The following FAM168A variants were observed in gnomAD, a reference collection of about 807,000 sequenced individuals.
The protein encoded by FAM168A is protein FAM168A.
Under a neutral mutation model 28.5 loss-of-function variants are expected in FAM168A, and 3 were observed. That is an observed-to-expected ratio of 0.11 (90% CI 0.05 to 0.27). The LOEUF (loss-of-function observed/expected upper bound fraction) is 0.27, where lower values mean the gene tolerates loss of function less well. Among genes scored for constraint, FAM168A ranks in the 10% least tolerant of loss-of-function variants. The pLI, the probability that FAM168A is intolerant of heterozygous loss-of-function variation, is 1.00. For synonymous variants in FAM168A, 122 were observed against 124.2 expected (o/e 0.98, Z 0.12); for missense variants, 222 against 311.5 (o/e 0.71, Z 2.16).
At chr11:73,571,230 C>T (rs1243172117) in intron 1 of FAM168A, among the ~76,000 whole-genome samples, 1 of 66,272 alleles carries the variant, frequency 1.5e-5, no homozygotes, top group Non-Finnish European at 2.7e-5. Flanking sequence ...TCTCCCCCTC[C>T]CCCTCCCCCC....
At chr11:73,506,199 C>A (rs76152451) in intron 1 of FAM168A, among the ~76,000 whole-genome samples, 1,881 of 152,154 alleles carry the variant, frequency 0.012, 45 homozygotes, top group African/African-American at 0.044. Context: ...GAAACAAAGG[C>A]CACTTCTTCT....
At chr11:73,564,549 T>C (rs1431660529) in intron 1 of FAM168A, among the ~76,000 whole-genome samples, 1 of 151,118 alleles carries the variant, frequency 6.6e-6, no homozygotes, top group East Asian at 1.9e-4. Flanking sequence ...CCATCCTGGC[T>C]AACACAGTGA....
intron 1 of FAM168A, among the ~76,000 whole-genome samples, chr11:73,561,562 G>A (rs1026499526): frequency 3.3e-5 from 5 of 151,850 alleles, no homozygotes; most frequent in African/African-American, 7.3e-5. Context: ...TCAATCCCTT[G>A]TGGAATAAAT....
chr11:73,487,177 A>G (rs1182672276), intron 1 of FAM168A, among the ~76,000 whole-genome samples: 1 of 151,918 alleles, frequency 6.6e-6, no homozygotes, highest in East Asian at 1.9e-4. Flanking sequence ...TCCATGCTCC[A>G]ACTCTCATCA....
intron 1 of FAM168A, among the ~76,000 whole-genome samples, chr11:73,592,646 G>A (rs1944395603): frequency 6.6e-6 from 1 of 151,974 alleles, no homozygotes; most frequent in Non-Finnish European, 1.5e-5. Context: ...GCAAGAGGAG[G>A]GGCTTCAGGA....
At chr11:73,505,364 C>T (rs527675300) in intron 1 of FAM168A, among the ~76,000 whole-genome samples, 1 of 152,076 alleles carries the variant, frequency 6.6e-6, no homozygotes, top group East Asian at 1.9e-4. Context: ...AGTTTCTCAC[C>T]TGTAAAATGA....
chr11:73,521,438 G>C (rs1345644272), intron 1 of FAM168A, among the ~76,000 whole-genome samples: 1 of 151,746 alleles, frequency 6.6e-6, no homozygotes, highest in Non-Finnish European at 1.5e-5. Flanking sequence ...ATTCCACTGA[G>C]CCCAAGGGTG....
intron 2 of FAM168A, among the ~76,000 whole-genome samples, chr11:73,445,003 T>A (rs965427984): frequency 1.3e-5 from 2 of 152,190 alleles, no homozygotes; most frequent in African/African-American, 2.4e-5. Flanking sequence ...CTCACACCTG[T>A]AATCCCAACA....
At position 73,418,958 on chromosome 11, in the gene FAM168A, A is replaced by G. The variant is rs576006370; in HGVS notation, c.277+916T>C. Among the ~76,000 whole-genome samples the G allele has an allele frequency of 8.5e-3, 1,289 of 151,938 alleles. 13 individuals carry two copies. Among genetic ancestry groups the G allele is most frequent in the African/African-American group, 0.029 (1,215 of 41,474 alleles). On this transcript the variant is annotated intron_variant, in intron 4 of 7. Coordinates refer to ENST00000356467, the MANE Select transcript of FAM168A (RefSeq NM_015159.3). ...TGAGTAGCTGGGACTACAGGCGCCCACCACCATGCCCGGCTAATTTTTTTT... is the reference window on the plus strand; with the variant it reads ...TGAGTAGCTGGGACTACAGGCGCCCGCCACCATGCCCGGCTAATTTTTTTT...
At chr11:73,555,822 G>A (rs771489883) in intron 1 of FAM168A, among the ~76,000 whole-genome samples, 24 of 152,108 alleles carry the variant, frequency 1.6e-4, no homozygotes, top group Admixed American at 5.2e-4. Context: ...TGCCTGGCAA[G>A]GCTTCCAAAG....
chr11:73,579,123 C>T (rs7107719), intron 1 of FAM168A, among the ~76,000 whole-genome samples: 189 of 152,206 alleles, frequency 1.2e-3, no homozygotes, highest in African/African-American at 4.4e-3. Flanking sequence ...TATACAGGCA[C>T]TTATAGAGCT....
At chr11:73,551,787 G>A (rs1943832443) in intron 1 of FAM168A, among the ~76,000 whole-genome samples, 1 of 152,214 alleles carries the variant, frequency 6.6e-6, no homozygotes, top group South Asian at 2.1e-4. Context: ...ATATGAACAT[G>A]CCAATTTTAA....
intron 5 of FAM168A, 28 bp from the exon 6 acceptor site, chr11:73,409,689 G>A: frequency 6.3e-7 from 1 of 1,578,402 alleles, no homozygotes; most frequent in Non-Finnish European, 8.6e-7. Flanking sequence ...AGGTCACATA[G>A]GCATTTGGAG....
chr11:73,588,054 A>G (rs901633012), intron 1 of FAM168A, among the ~76,000 whole-genome samples: 1 of 152,146 alleles, frequency 6.6e-6, no homozygotes, highest in African/African-American at 2.4e-5. Context: ...CGAGCCTCAC[A>G]TAAAGCATTT....
rs1866420803 is a variant in FAM168A at position 73,401,991 on chromosome 11, T to TC, written c.*4771_*4772insG. ...GTAAAGGACAAACCCTGCAGCCCCC[T>TC]TGGCATGCCTGCCTGTGCGCTCAGA... On this transcript the variant is annotated 3_prime_UTR_variant, in exon 8 of 8. Coordinates refer to ENST00000356467, the MANE Select transcript of FAM168A (RefSeq NM_015159.3). 6.6e-6 allele frequency: 1 copy of TC among 152,276 alleles called. No individual in the cohort carries two copies. The highest frequency in any genetic ancestry group is 1.5e-5 in the Non-Finnish European group (1 of 68,072). 9.4% of individuals were successfully genotyped at this position (152,276 alleles called of 1,614,324 possible).
intron 2 of FAM168A, among the ~76,000 whole-genome samples, chr11:73,464,040 T>C (rs1229448363): frequency 6.6e-6 from 1 of 152,162 alleles, no homozygotes; most frequent in East Asian, 1.9e-4. Flanking sequence ...TCCTAATCAC[T>C]GTACCGTCCA....
chr11:73,468,319 G>T, intron 2 of FAM168A, 86 bp downstream of exon 2: 1 of 1,258,604 alleles, frequency 7.9e-7, no homozygotes, highest in Non-Finnish European at 1.1e-6. Flanking sequence ...GACTTTTGGA[G>T]GTATACGTTA....
intron 1 of FAM168A, among the ~76,000 whole-genome samples, chr11:73,548,219 G>A (rs1943784010): frequency 6.6e-6 from 1 of 152,176 alleles, no homozygotes; most frequent in South Asian, 2.1e-4. Flanking sequence ...GGTTAAGACA[G>A]TAAATTTTAT....
At chr11:73,470,467 T>A (rs1053558859) in intron 1 of FAM168A, among the ~76,000 whole-genome samples, 3 of 152,178 alleles carry the variant, frequency 2.0e-5, no homozygotes, top group African/African-American at 7.2e-5. Flanking sequence ...TTAACAGTAA[T>A]TAAGATGTGG....
Sources: gnomAD v4.1 joint callset for allele counts (sites outside exome capture counted in the v4.1 genomes callset) on GRCh38, gnomAD v4.1.1 for gene constraint, MANE v1.5 for transcripts, NCBI Gene and HGNC (gene_info 2026-07-23, HGNC 2026-07-21) for gene names.